The following RBKS variants were observed in gnomAD, a reference collection of about 807,000 sequenced individuals.
RBKS encodes the protein ribokinase.
In RBKS, 33 loss-of-function variants were observed where a neutral mutation model predicts 33.9. That is an observed-to-expected ratio of 0.97 (90% confidence interval 0.74 to 1.30). RBKS has a LOEUF of 1.30. RBKS is among the 50% of genes most tolerant of loss of function. The pLI, the probability that RBKS is intolerant of heterozygous loss-of-function variation, is 0.00. For synonymous variants in RBKS, 125 were observed against 143.0 expected (o/e 0.87, Z 0.90); for missense variants, 361 against 392.6 (o/e 0.92, Z 0.68).
chr2:27,845,609 A>G (rs556382188), intron 4 of RBKS, among the ~76,000 whole-genome samples: 2 of 152,350 alleles, frequency 1.3e-5, no homozygotes, highest in East Asian at 1.9e-4. Context: ...GTTACTTAAA[A>G]TGTAGCTTAA....
chr2:27,863,463 T>G (rs1423531133), intron 1 of RBKS, among the ~76,000 whole-genome samples: 1 of 152,254 alleles, frequency 6.6e-6, no homozygotes, highest in African/African-American at 2.4e-5. Context: ...CTGAGTTAAT[T>G]CACTGACAGG....
chr2:27,876,062 G>A (rs1162671763), intron 1 of RBKS, among the ~76,000 whole-genome samples: 3 of 152,134 alleles, frequency 2.0e-5, no homozygotes, highest in African/African-American at 7.2e-5. Flanking sequence ...TTGCTGTTAT[G>A]GAAAACAATA....
intron 7 of RBKS, among the ~76,000 whole-genome samples, chr2:27,784,892 G>A (rs1200066451): frequency 1.3e-5 from 2 of 152,146 alleles, no homozygotes; most frequent in Admixed American, 6.5e-5. Flanking sequence ...AGACAGACAT[G>A]GTTCCTTCCC....
At chr2:27,851,530 T>C (rs1254617527) in intron 2 of RBKS, among the ~76,000 whole-genome samples, 1 of 152,126 alleles carries the variant, frequency 6.6e-6, no homozygotes, top group African/African-American at 2.4e-5. Context: ...TTCTTTTTTT[T>C]TTAAATTTTT....
intron 7 of RBKS, among the ~76,000 whole-genome samples, chr2:27,789,951 A>ATATATATATATATATATATATGTG (rs1677485829): frequency 9.0e-6 from 1 of 111,400 alleles, no homozygotes; most frequent in Non-Finnish European, 1.9e-5. Flanking sequence ...GTATATGTGT[A>ATATATATATATATATATATATGTG]TATATATATA....
chr2:27,843,403 C>A (rs1354740434), intron 4 of RBKS, among the ~76,000 whole-genome samples, 172 bp from the exon 5 acceptor site: 1 of 152,154 alleles, frequency 6.6e-6, no homozygotes, highest in Non-Finnish European at 1.5e-5. Context: ...CCAAATGTAT[C>A]TTTTATAATA....
Position 27,839,732 on chromosome 2 carries a change from C to T in RBKS, c.514+3335G>A, listed in dbSNP as rs114775090. Among the ~76,000 whole-genome samples the T allele has an allele frequency of 1.8e-4, 27 of 152,200 alleles. 1 individual carries two copies. The highest frequency in any genetic ancestry group is 1.2e-3 in the South Asian group (6 of 4,824). On this transcript the variant is annotated intron_variant, in intron 5 of 7. Coordinates refer to ENST00000302188, the MANE Select transcript of RBKS (RefSeq NM_022128.3). ...AAGACTTTATCATCGTTCTTGAAGA[C>T]GGAATAATGCTGTTCAGCACATAGG... is the stretch of plus-strand genomic sequence containing the variant.
chr2:27,857,575 G>A (rs1663882571), intron 2 of RBKS, among the ~76,000 whole-genome samples: 1 of 152,192 alleles, frequency 6.6e-6, no homozygotes, highest in Non-Finnish European at 1.5e-5. Context: ...TTAGAGATGA[G>A]TAAATCACCG....
intron 2 of RBKS, among the ~76,000 whole-genome samples, chr2:27,854,322 C>A (rs2148217212): frequency 6.6e-6 from 1 of 152,328 alleles, no homozygotes; most frequent in South Asian, 2.1e-4. Context: ...TGCATGCAGC[C>A]TGGCACCAGC....
intron 7 of RBKS, among the ~76,000 whole-genome samples, chr2:27,794,431 C>A (rs1015050244): frequency 6.6e-6 from 1 of 151,058 alleles, no homozygotes; most frequent in African/African-American, 2.4e-5. Context: ...CAATTTCTAC[C>A]CCTGAATGAT....
chr2:27,856,195 A>G (rs1374760138), intron 2 of RBKS, among the ~76,000 whole-genome samples: 1 of 152,238 alleles, frequency 6.6e-6, no homozygotes. Context: ...TTATCTAACC[A>G]AAGTTACCCT....
In RBKS at chr2:27,827,890, G is replaced by A. The variant is rs142089320; in HGVS notation, c.607-135C>T. 7.9e-4 allele frequency: 520 copies of A among 660,622 alleles called. 5 individuals are homozygous for A. In the African/African-American group the frequency reaches 8.1e-3, roughly 10 times the overall value. 40.9% of individuals were successfully genotyped at this position (660,622 alleles called of 1,614,324 possible). A position where few individuals can be genotyped will look rare whatever the true frequency, so the allele number is the denominator to read the frequency against. ...GCAATGGGAACCTTGATAGATACTG[G>A]TACAGGAAAATAAATAAAGCAATAA... On this transcript the variant is annotated intron_variant, in intron 6 of 7. Coordinates refer to ENST00000302188, the MANE Select transcript of RBKS (RefSeq NM_022128.3).
intron 1 of RBKS, among the ~76,000 whole-genome samples, chr2:27,888,727 C>A (rs907611679): frequency 1.3e-5 from 2 of 152,112 alleles, no homozygotes; most frequent in African/African-American, 4.8e-5. Context: ...AAACTATGGC[C>A]TGCAGGATGT....
At chr2:27,798,610 C>T (rs146214914) in intron 7 of RBKS, among the ~76,000 whole-genome samples, 17 of 152,244 alleles carry the variant, frequency 1.1e-4, no homozygotes, top group Non-Finnish European at 2.1e-4. Flanking sequence ...TCCCTGCCTC[C>T]GGTCTGGACC....
chr2:27,798,792 A>G (rs893093517), intron 7 of RBKS, among the ~76,000 whole-genome samples: 1 of 152,234 alleles, frequency 6.6e-6, no homozygotes, highest in African/African-American at 2.4e-5. Context: ...GTCTCAGTAC[A>G]TGGAGACACC....
intron 7 of RBKS, among the ~76,000 whole-genome samples, chr2:27,816,645 C>T (rs1454858437): frequency 1.3e-5 from 2 of 151,642 alleles, no homozygotes; most frequent in African/African-American, 4.8e-5. Context: ...GAGGAGTCTC[C>T]CTCTGTCACC....
At chr2:27,817,228 A>T (rs1308877447) in intron 7 of RBKS, among the ~76,000 whole-genome samples, 3 of 152,228 alleles carry the variant, frequency 2.0e-5, no homozygotes. Context: ...GATGGGCAGG[A>T]GTTTGCCTCA....
At chr2:27,884,480 A>C (rs1173922653) in intron 1 of RBKS, among the ~76,000 whole-genome samples, 1 of 151,994 alleles carries the variant, frequency 6.6e-6, no homozygotes, top group African/African-American at 2.4e-5. Flanking sequence ...TCCTGAGCTC[A>C]AGCGATCCAC....
rs1678543125 is a variant in RBKS, at chr2:27,837,164, C to T, written c.515-4387G>A. Among the ~76,000 whole-genome samples the T allele has an allele frequency of 6.6e-6, 1 of 152,134 alleles. No individual in the cohort carries two copies. The highest frequency in any genetic ancestry group is 6.5e-5 in the Admixed American group (1 of 15,290). ...TGGCAGGTGCCTGTAGTCCCAGCTA[C>T]TCGGGAGGCTGAGGCAGGAGAATGG... is the stretch of plus-strand genomic sequence containing the variant. On this transcript the variant is annotated intron_variant, in intron 5 of 7. Coordinates refer to ENST00000302188, the MANE Select transcript of RBKS (RefSeq NM_022128.3). This position sits in a 1 kb window ranked among gnomAD's most constrained non-coding sequence, Gnocchi z 4.0.
Sources: gnomAD v4.1 joint callset for allele counts (sites outside exome capture counted in the v4.1 genomes callset) on GRCh38, gnomAD v4.1.1 for gene constraint, Gnocchi (gnomAD v3.1) non-coding constraint, MANE v1.5 for transcripts, NCBI Gene and HGNC (gene_info 2026-07-23, HGNC 2026-07-21) for gene names.